ERO1A: variants seen among roughly 807,000 people sequenced by gnomAD.
The protein encoded by ERO1A is ERO1-like protein alpha.
A neutral mutation model predicts 76.9 loss-of-function variants in ERO1A; 49 were observed. The observed-to-expected ratio is 0.64, with a 90% confidence interval of 0.51 to 0.81. The LOEUF (loss-of-function observed/expected upper bound fraction) is 0.81. ERO1A is among the 30% of genes least tolerant of loss of function. The probability of loss-of-function intolerance (pLI) is 0.00; values close to 1 mark genes in which losing one functional copy is unlikely to be tolerated. For missense variants in ERO1A, 448 were observed against 542.1 expected (o/e 0.83, Z 1.72); for synonymous variants, 174 against 181.2 (o/e 0.96, Z 0.32).
At chr14:52,674,627 CTGTG>C (rs1857619941) in intron 4 of ERO1A, among the ~76,000 whole-genome samples, 1 of 152,198 alleles carries the variant, frequency 6.6e-6, no homozygotes, top group Non-Finnish European at 1.5e-5. Context: ...TTCTTTGACT[CTGTG>C]TGTGTACAAG....
chr14:52,682,537 T>C lies in ERO1A; in HGVS notation c.235-129A>G, dbSNP rs1260872895. On this transcript the variant is annotated intron_variant, in intron 2 of 15. Coordinates refer to ENST00000395686, the MANE Select transcript of ERO1A (RefSeq NM_014584.3). ...AAATACAGTATTTCTTCCACCTATC[T>C]GTTGCCAGTTTATAACAACTGCATA... 1.4e-5 allele frequency: 9 copies of C among 642,100 alleles called. No homozygotes were observed. The South Asian group carries it at 1.5e-4, about 11-fold the overall frequency. The allele number at this position is 642,100 out of a possible 1,614,324, so 39.8% of individuals were successfully genotyped here. A position where few individuals can be genotyped will look rare whatever the true frequency, so the allele number is the denominator to read the frequency against.
At chr14:52,664,275 T>C (rs913619173) in intron 7 of ERO1A, 2 of 152,230 alleles carry the variant, frequency 1.3e-5, no homozygotes, top group African/African-American at 4.8e-5. Context: ...AAAAATAGTG[T>C]AGATTATTTT....
At chr14:52,657,798 A>T in intron 11 of ERO1A, 119 bp downstream of exon 11, 1 of 650,708 alleles carries the variant, frequency 1.5e-6, no homozygotes, top group Non-Finnish European at 2.6e-6. Context: ...TTAAGAGTGA[A>T]TTTTTACTGC....
chr14:52,673,091 G>A (rs779687496), intron 4 of ERO1A, among the ~76,000 whole-genome samples: 5 of 151,592 alleles, frequency 3.3e-5, no homozygotes. Context: ...TTGTTATAAT[G>A]ATTTTTTTTT....
chr14:52,670,393 T>C (rs933872319), intron 6 of ERO1A, among the ~76,000 whole-genome samples: 1 of 152,256 alleles, frequency 6.6e-6, no homozygotes, highest in Admixed American at 6.5e-5. Flanking sequence ...GGTCTTTTGT[T>C]TTTTTGAGAC....
chr14:52,689,223 G>A (rs1258546674), intron 1 of ERO1A, among the ~76,000 whole-genome samples: 1 of 152,060 alleles, frequency 6.6e-6, no homozygotes, highest in Non-Finnish European at 1.5e-5. Flanking sequence ...CAGAGTGCTG[G>A]GATTACAGGC....
intron 1 of ERO1A, among the ~76,000 whole-genome samples, chr14:52,688,633 C>T (rs1380445262): frequency 6.6e-6 from 1 of 152,056 alleles, no homozygotes; most frequent in Non-Finnish European, 1.5e-5. Context: ...AAAATACAGC[C>T]GAATTTGCAG....
At chr14:52,675,009 A>G (rs2040731274) in intron 4 of ERO1A, among the ~76,000 whole-genome samples, 1 of 152,218 alleles carries the variant, frequency 6.6e-6, no homozygotes, top group Admixed American at 6.5e-5. Flanking sequence ...TTTGAAATGC[A>G]TCCGAAAAAT....
At chr14:52,693,142 T>C (rs969147169) in intron 1 of ERO1A, among the ~76,000 whole-genome samples, 32 of 152,000 alleles carry the variant, frequency 2.1e-4, no homozygotes, top group Admixed American at 1.8e-3. Context: ...TTATTATTAT[T>C]TTGAGGCAGA....
chr14:52,685,703 T>A (rs953434299), intron 1 of ERO1A, among the ~76,000 whole-genome samples: 1 of 152,178 alleles, frequency 6.6e-6, no homozygotes, highest in Non-Finnish European at 1.5e-5. Flanking sequence ...TTAAAATATA[T>A]CTTCAAGCCT....
chr14:52,673,434 T>C (rs2040676686), intron 4 of ERO1A, among the ~76,000 whole-genome samples: 1 of 152,214 alleles, frequency 6.6e-6, no homozygotes, highest in African/African-American at 2.4e-5. Flanking sequence ...AGCTAAACTT[T>C]GTTTCTTCTT....
intron 4 of ERO1A, among the ~76,000 whole-genome samples, chr14:52,675,798 C>G (rs1594831223): frequency 2.6e-5 from 4 of 152,064 alleles, no homozygotes; most frequent in Admixed American, 2.6e-4. Context: ...TCATGGCTGG[C>G]TAATTTTTGT....
intron 3 of ERO1A, among the ~76,000 whole-genome samples, chr14:52,680,499 T>C (rs1274815275): frequency 6.6e-6 from 1 of 152,204 alleles, no homozygotes; most frequent in Admixed American, 6.5e-5. Flanking sequence ...GACTTTGCAA[T>C]AACTGTAAAG....
chr14:52,647,960 G>T (rs2039727567), intron 13 of ERO1A, among the ~76,000 whole-genome samples: 1 of 152,146 alleles, frequency 6.6e-6, no homozygotes, highest in African/African-American at 2.4e-5. Flanking sequence ...TCAATGATTG[G>T]AACCCACTAT....
At chr14:52,680,983 A>G (rs1043922779) in intron 3 of ERO1A, among the ~76,000 whole-genome samples, 1 of 152,220 alleles carries the variant, frequency 6.6e-6, no homozygotes, top group Non-Finnish European at 1.5e-5. Context: ...AAAAGAATAG[A>G]AAGTAAAAGT....
At chr14:52,675,719 C>T (rs2040761992) in intron 4 of ERO1A, among the ~76,000 whole-genome samples, 1 of 152,110 alleles carries the variant, frequency 6.6e-6, no homozygotes, top group African/African-American at 2.4e-5. Context: ...TCTGTAGCCT[C>T]GACCTCCCAG....
At chr14:52,688,814 C>G (rs532033030) in intron 1 of ERO1A, among the ~76,000 whole-genome samples, 3 of 152,212 alleles carry the variant, frequency 2.0e-5, no homozygotes, top group Non-Finnish European at 4.4e-5. Flanking sequence ...TTGTTCACTA[C>G]TCTCATGTCA....
chr14:52,669,810 C>A (rs200180320), intron 6 of ERO1A, among the ~76,000 whole-genome samples: 26 of 152,214 alleles, frequency 1.7e-4, no homozygotes, highest in Non-Finnish European at 3.2e-4. Context: ...TTAAGGAAAG[C>A]AATTTTCCCC....
At chr14:52,678,378 G>A in intron 4 of ERO1A, 56 bp downstream of exon 4, 1 of 1,450,940 alleles carries the variant, frequency 6.9e-7, no homozygotes, top group Non-Finnish European at 9.6e-7. Context: ...AACGGAAATG[G>A]GTTTTTCAAG....
Sources: gnomAD v4.1 joint callset for allele counts (sites outside exome capture counted in the v4.1 genomes callset) on GRCh38, gnomAD v4.1.1 for gene constraint, MANE v1.5 for transcripts, NCBI Gene and HGNC (gene_info 2026-07-23, HGNC 2026-07-21) for gene names.